The following CNTNAP2 variants were observed in gnomAD, a reference collection of about 807,000 sequenced individuals.
The protein encoded by CNTNAP2 is contactin-associated protein-like 2.
Under a neutral mutation model 155.2 loss-of-function variants are expected in CNTNAP2, and 98 were observed. The observed-to-expected ratio is 0.63, with a 90% CI of 0.54 to 0.75. CNTNAP2 has a LOEUF of 0.75. CNTNAP2 is among the 30% of genes least tolerant of loss of function. CNTNAP2 has a pLI of 0.00. For missense variants in CNTNAP2, 1,727 were observed against 1,688.1 expected (o/e 1.02, Z -0.40); for synonymous variants, 651 against 631.2 (o/e 1.03, Z -0.47).
chr7:146,247,398 G>A (rs1799678766), intron 1 of CNTNAP2, among the ~76,000 whole-genome samples: 1 of 152,128 alleles, frequency 6.6e-6, no homozygotes, highest in African/African-American at 2.4e-5. Flanking sequence ...GTGGAGGAGT[G>A]GAGGCTGAGG....
chr7:146,438,319 T>G (rs990341652), intron 1 of CNTNAP2, among the ~76,000 whole-genome samples: 1 of 150,914 alleles, frequency 6.6e-6, no homozygotes, highest in African/African-American at 2.5e-5. Flanking sequence ...TCATATCCCC[T>G]TGATCCAGGG....
intron 1 of CNTNAP2, among the ~76,000 whole-genome samples, chr7:146,474,555 C>T (rs1289100237): frequency 1.3e-5 from 2 of 151,332 alleles, no homozygotes; most frequent in Non-Finnish European, 2.9e-5. Flanking sequence ...GTTATATTTC[C>T]TGTGTTATAT....
chr7:147,364,549 A>G (rs1025027316), intron 9 of CNTNAP2, among the ~76,000 whole-genome samples: 1 of 152,222 alleles, frequency 6.6e-6, no homozygotes, highest in Non-Finnish European at 1.5e-5. Flanking sequence ...TCATTCCTTG[A>G]TGTTAATGGA....
At chr7:147,575,539 G>GTGTA (rs1800383031) in intron 12 of CNTNAP2, among the ~76,000 whole-genome samples, 1 of 151,002 alleles carries the variant, frequency 6.6e-6, no homozygotes. Flanking sequence ...GTGTGTGTAT[G>GTGTA]TGTGTGTGAA....
chr7:146,147,728 T>C (rs1171625080), intron 1 of CNTNAP2, among the ~76,000 whole-genome samples: 2 of 152,144 alleles, frequency 1.3e-5, no homozygotes, highest in African/African-American at 4.8e-5. Flanking sequence ...TTGACTTCTT[T>C]ATACTGTCTG....
intron 11 of CNTNAP2, among the ~76,000 whole-genome samples, chr7:147,527,273 T>C (rs1433823016): frequency 6.6e-6 from 1 of 152,196 alleles, no homozygotes; most frequent in East Asian, 1.9e-4. Flanking sequence ...TCCGCCCACC[T>C]CGGCCTCCCA....
At chr7:146,688,840 G>T (rs1362517312) in intron 1 of CNTNAP2, among the ~76,000 whole-genome samples, 2 of 152,102 alleles carry the variant, frequency 1.3e-5, no homozygotes, top group Admixed American at 1.3e-4. Flanking sequence ...ATACTAGGAA[G>T]TAAATCAAAA....
intron 1 of CNTNAP2, among the ~76,000 whole-genome samples, chr7:146,293,532 T>C (rs1475442610): frequency 6.6e-6 from 1 of 152,196 alleles, no homozygotes; most frequent in Non-Finnish European, 1.5e-5. Flanking sequence ...TATATCTTGA[T>C]TGATAGTTAA....
intron 1 of CNTNAP2, among the ~76,000 whole-genome samples, chr7:146,238,393 G>A (rs538946530): frequency 2.8e-4 from 42 of 152,182 alleles, no homozygotes; most frequent in African/African-American, 2.4e-4. Flanking sequence ...CATCAGATAC[G>A]TGAGCACAAT....
At chr7:147,982,978 G>A (rs1363829593) in intron 15 of CNTNAP2, among the ~76,000 whole-genome samples, 1 of 134,512 alleles carries the variant, frequency 7.4e-6, no homozygotes, top group African/African-American at 2.8e-5. Flanking sequence ...ACATCGTGCT[G>A]TTGCACTTCA....
chr7:147,060,414 C>T (rs1416753905), intron 4 of CNTNAP2, among the ~76,000 whole-genome samples: 1 of 152,160 alleles, frequency 6.6e-6, no homozygotes, highest in Non-Finnish European at 1.5e-5. Context: ...ATCTCTTTCA[C>T]TTAGCAGTTT....
chr7:147,004,096 A>C (rs1321211547), intron 3 of CNTNAP2, among the ~76,000 whole-genome samples: 1 of 151,940 alleles, frequency 6.6e-6, no homozygotes, highest in Non-Finnish European at 1.5e-5. Context: ...TACATTCAAA[A>C]TAAGAATATA....
At chr7:146,745,803 T>C (rs1473145037) in intron 1 of CNTNAP2, among the ~76,000 whole-genome samples, 1 of 151,254 alleles carries the variant, frequency 6.6e-6, no homozygotes, top group Non-Finnish European at 1.5e-5. Context: ...AGGGTAACAT[T>C]TGCCATTGGT....
intron 9 of CNTNAP2, among the ~76,000 whole-genome samples, chr7:147,326,060 C>T (rs889469635): frequency 3.3e-5 from 5 of 149,452 alleles, no homozygotes; most frequent in African/African-American, 2.6e-5. Context: ...GTAGCTGGGA[C>T]GACAAGCGCA....
At chr7:147,811,712 A>G (rs1798181882) in intron 13 of CNTNAP2, among the ~76,000 whole-genome samples, 1 of 152,214 alleles carries the variant, frequency 6.6e-6, no homozygotes, top group Non-Finnish European at 1.5e-5. Flanking sequence ...TAATTATTCA[A>G]TGATCCCCAT....
At chr7:146,985,998 A>T (rs1798108964) in intron 3 of CNTNAP2, among the ~76,000 whole-genome samples, 1 of 151,974 alleles carries the variant, frequency 6.6e-6, no homozygotes, top group Non-Finnish European at 1.5e-5. Flanking sequence ...AATTTTTTTA[A>T]TTTTAATTTT....
chr7:147,329,155 C>CA (rs1795511888), intron 9 of CNTNAP2, among the ~76,000 whole-genome samples: 1 of 152,006 alleles, frequency 6.6e-6, no homozygotes, highest in Non-Finnish European at 1.5e-5. Flanking sequence ...CACACACACA[C>CA]ACACCCACGC....
In CNTNAP2 at chr7:147,070,961, G is replaced by T. The variant is rs191459025; in HGVS notation, c.550+26907G>T. On this transcript the variant is annotated intron_variant, in intron 4 of 23. Coordinates refer to ENST00000361727, the MANE Select transcript of CNTNAP2 (RefSeq NM_014141.6). ...AGTGTGTGTGTGTGTGTGTGTATTT[G>T]CTTCACTCCAGGCCCAGGACCTGGG... 2.2e-4 allele frequency among the ~76,000 whole-genome samples: 33 copies of T among 152,114 alleles called. 1 individual carries two copies. The East Asian group carries it at 5.6e-3, about 26-fold the overall frequency.
intron 8 of CNTNAP2, among the ~76,000 whole-genome samples, chr7:147,203,673 C>T (rs900926355): frequency 2.6e-5 from 4 of 152,112 alleles, no homozygotes; most frequent in Non-Finnish European, 4.4e-5. Flanking sequence ...CCAATGTTTG[C>T]TTTTGCATTA....
Sources: allele counts gnomAD v4.1 joint callset (sites outside exome capture counted in the v4.1 genomes callset), GRCh38; gene constraint gnomAD v4.1.1; transcripts MANE v1.5; gene names NCBI Gene and HGNC (gene_info 2026-07-23, HGNC 2026-07-21).